The following CELF4 variants were observed in gnomAD, a reference collection of about 807,000 sequenced individuals.
CELF4 encodes the protein CUGBP Elav-like family member 4, also known as CUG-BP- and ETR-3-like factor 4.
CELF4 carries 18 observed loss-of-function variants against 59.9 expected under a neutral mutation model. The observed-to-expected ratio is 0.30, with a 90% CI of 0.21 to 0.45. CELF4 has a LOEUF of 0.45. Among genes scored for constraint, CELF4 ranks in the 20% least tolerant of loss-of-function variants. The pLI is 1.00. For synonymous variants in CELF4, 261 were observed against 267.1 expected (o/e 0.98, Z 0.22); for missense variants, 456 against 689.0 (o/e 0.66, Z 3.79).
intron 3 of CELF4, among the ~76,000 whole-genome samples, chr18:37,298,068 C>T (rs2095773143): frequency 6.6e-6 from 1 of 152,230 alleles, no homozygotes; most frequent in African/African-American, 2.4e-5. Context: ...GGCCTCAGCT[C>T]CACGAATGGG....
At chr18:37,487,696 G>T (rs533474115) in intron 1 of CELF4, among the ~76,000 whole-genome samples, 1 of 152,298 alleles carries the variant, frequency 6.6e-6, no homozygotes, top group Admixed American at 6.5e-5. Context: ...TCTGCTGTAC[G>T]CAGGCAAGCC....
chr18:37,471,307 A>T (rs2099827946), intron 2 of CELF4, among the ~76,000 whole-genome samples: 1 of 151,956 alleles, frequency 6.6e-6, no homozygotes, highest in East Asian at 1.9e-4. Context: ...GGCCTTCACC[A>T]TCCAGACCAT....
intron 2 of CELF4, among the ~76,000 whole-genome samples, chr18:37,356,793 C>T (rs890441155): frequency 6.6e-6 from 1 of 152,196 alleles, no homozygotes; most frequent in East Asian, 1.9e-4. Flanking sequence ...TGCCTTCTGA[C>T]CTTGGTCTCT....
chr18:37,546,390 G>GCA (rs138332587), intron 1 of CELF4, among the ~76,000 whole-genome samples: 3,314 of 150,572 alleles, frequency 0.022, 44 homozygotes, highest in South Asian at 0.034. Context: ...ACATGTATGC[G>GCA]CACACACACA....
intron 1 of CELF4, among the ~76,000 whole-genome samples, chr18:37,555,627 T>A (rs1275271610): frequency 1.3e-5 from 2 of 152,188 alleles, no homozygotes. Flanking sequence ...AGTTTCTGGT[T>A]ATATTGGTCA....
intron 3 of CELF4, among the ~76,000 whole-genome samples, chr18:37,285,753 C>A (rs549929872): frequency 1.3e-5 from 2 of 152,292 alleles, no homozygotes; most frequent in South Asian, 4.1e-4. Context: ...GCCTGGGACA[C>A]CACAGTGGCT....
At chr18:37,457,540 C>T (rs2154601984) in intron 2 of CELF4, among the ~76,000 whole-genome samples, 1 of 152,274 alleles carries the variant, frequency 6.6e-6, no homozygotes, top group South Asian at 2.1e-4. Context: ...CACACAAAGC[C>T]CTTGAGTTGC....
chr18:37,430,878 T>A (rs2099645076), intron 2 of CELF4, among the ~76,000 whole-genome samples: 2 of 152,186 alleles, frequency 1.3e-5, no homozygotes, highest in Admixed American at 1.3e-4. Flanking sequence ...TCTCACTTGG[T>A]CTGGAGGTGG....
intron 2 of CELF4, among the ~76,000 whole-genome samples, chr18:37,389,678 C>T (rs1393813843): frequency 6.6e-6 from 1 of 152,188 alleles, no homozygotes; most frequent in Non-Finnish European, 1.5e-5. Context: ...AGGATGGTCA[C>T]CGCATCCTGC....
chr18:37,472,866 C>T (rs1376332208), intron 2 of CELF4, among the ~76,000 whole-genome samples: 1 of 152,192 alleles, frequency 6.6e-6, no homozygotes, highest in African/African-American at 2.4e-5. Flanking sequence ...GGGCTGAGGA[C>T]TGGGACTGGT....
chr18:37,320,822 A>C (rs774880106), intron 3 of CELF4, among the ~76,000 whole-genome samples: 2 of 152,076 alleles, frequency 1.3e-5, no homozygotes, highest in Admixed American at 6.5e-5. Context: ...GGGCCTGCAC[A>C]TTCTTCTACC....
intron 1 of CELF4, among the ~76,000 whole-genome samples, chr18:37,495,380 T>C (rs2099924044): frequency 6.6e-6 from 1 of 152,154 alleles, no homozygotes; most frequent in Non-Finnish European, 1.5e-5. Context: ...TCTGAGCCTC[T>C]GCCTCACTCC....
chr18:37,564,480 C>G (rs189253566), intron 1 of CELF4, among the ~76,000 whole-genome samples: 148 of 152,294 alleles, frequency 9.7e-4, no homozygotes, highest in Middle Eastern at 6.8e-3. Flanking sequence ...GTCTCCCCCT[C>G]CCCCAAGCAC....
At chr18:37,284,232 T>C (rs1037254724) in intron 3 of CELF4, among the ~76,000 whole-genome samples, 8 of 148,792 alleles carry the variant, frequency 5.4e-5, no homozygotes, top group Non-Finnish European at 1.0e-4. Context: ...CAGATGCACA[T>C]ACACATACAC....
intron 1 of CELF4, chr18:37,529,251 A>G (rs573467271): frequency 6.6e-6 from 1 of 152,270 alleles, no homozygotes; most frequent in East Asian, 1.9e-4. Flanking sequence ...TGGATGGGTA[A>G]CCTGGACTTC....
intron 1 of CELF4, among the ~76,000 whole-genome samples, chr18:37,496,548 A>T (rs1417447165): frequency 6.6e-6 from 1 of 152,240 alleles, no homozygotes; most frequent in African/African-American, 2.4e-5. Flanking sequence ...TTTAAAAAAG[A>T]AGCACACCAA....
intron 1 of CELF4, among the ~76,000 whole-genome samples, chr18:37,507,077 GCT>G (rs889361124): frequency 1.3e-5 from 2 of 152,152 alleles, no homozygotes; most frequent in African/African-American, 2.4e-5. Context: ...GTGACCCAGG[GCT>G]CTCTCTCTGT....
chr18:37,360,550 G>C (rs2098687048), intron 2 of CELF4, among the ~76,000 whole-genome samples: 1 of 152,218 alleles, frequency 6.6e-6, no homozygotes, highest in Admixed American at 6.5e-5. Flanking sequence ...TCCCCAAAAT[G>C]AGGACAGATG....
chr18:37,250,363 T>C (rs1482458795), intron 12 of CELF4, among the ~76,000 whole-genome samples: 3 of 152,076 alleles, frequency 2.0e-5, no homozygotes, highest in Non-Finnish European at 4.4e-5. Context: ...AGGACCTTGC[T>C]TCATGGAACC....
Sources: gnomAD v4.1 joint callset for allele counts (sites outside exome capture counted in the v4.1 genomes callset) on GRCh38, gnomAD v4.1.1 for gene constraint, MANE v1.5 for transcripts, NCBI Gene and HGNC (gene_info 2026-07-23, HGNC 2026-07-21) for gene names.